TAFA1: variants seen among roughly 807,000 people sequenced by gnomAD.
TAFA1 encodes the protein chemokine-like protein TAFA-1.
In TAFA1, 4 loss-of-function variants were observed where a neutral mutation model predicts 18.5. The ratio of observed to expected loss-of-function variants is 0.22; its 90% CI spans 0.11 to 0.49. The LOEUF (loss-of-function observed/expected upper bound fraction) is 0.49, where lower values mean the gene tolerates loss of function less well. TAFA1 is among the 20% of genes least tolerant of loss of function. The probability of loss-of-function intolerance (pLI) is 0.98; values close to 1 mark genes in which losing one functional copy is unlikely to be tolerated. For missense variants in TAFA1, 147 were observed against 169.0 expected (o/e 0.87, Z 0.72); for synonymous variants, 56 against 55.2 (o/e 1.01, Z -0.06).
chr3:68,137,205 C>A (rs1001849909), intron 2 of TAFA1, among the ~76,000 whole-genome samples: 1 of 151,802 alleles, frequency 6.6e-6, no homozygotes, highest in Admixed American at 6.6e-5. Flanking sequence ...AAACCTCAAG[C>A]ATTCAGTCAC....
chr3:68,097,175 CA>C (rs2065096098), intron 2 of TAFA1, among the ~76,000 whole-genome samples: 1 of 152,146 alleles, frequency 6.6e-6, no homozygotes, highest in Non-Finnish European at 1.5e-5. Context: ...GCCTGACACA[CA>C]AGCAATGGGA....
chr3:68,081,687 C>A (rs569812568), intron 2 of TAFA1, among the ~76,000 whole-genome samples: 1 of 152,140 alleles, frequency 6.6e-6, no homozygotes, highest in East Asian at 1.9e-4. Flanking sequence ...TCTCCAGCTG[C>A]GTGCTGGGAG....
At chr3:68,402,063 T>G (rs182686577) in intron 2 of TAFA1, among the ~76,000 whole-genome samples, 1 of 152,340 alleles carries the variant, frequency 6.6e-6, no homozygotes, top group East Asian at 1.9e-4. Context: ...TCTTGGCATG[T>G]CAAGAATTTA....
At chr3:68,490,073 C>T (rs1605980) in intron 3 of TAFA1, among the ~76,000 whole-genome samples, 47 of 151,462 alleles carry the variant, frequency 3.1e-4, no homozygotes, top group Admixed American at 3.1e-3. Flanking sequence ...AGAGCTCAAG[C>T]TTTCAAGTGA....
intron 2 of TAFA1, among the ~76,000 whole-genome samples, chr3:68,259,439 T>C (rs1011158441): frequency 3.9e-5 from 6 of 152,210 alleles, no homozygotes; most frequent in Admixed American, 3.3e-4. Flanking sequence ...TGGTTCCAGA[T>C]GAACTTTAAA....
At chr3:68,402,607 G>A (rs970655335) in intron 2 of TAFA1, among the ~76,000 whole-genome samples, 1 of 152,118 alleles carries the variant, frequency 6.6e-6, no homozygotes, top group African/African-American at 2.4e-5. Context: ...TCTCCTAAAT[G>A]TGTGTTTTCT....
intron 3 of TAFA1, among the ~76,000 whole-genome samples, chr3:68,473,603 A>G (rs1292192762): frequency 6.6e-6 from 1 of 152,114 alleles, no homozygotes; most frequent in Non-Finnish European, 1.5e-5. Flanking sequence ...ATCCTTCCCA[A>G]CCAGAATTGG....
At chr3:68,074,083 G>A (rs1435051194) in intron 2 of TAFA1, among the ~76,000 whole-genome samples, 3 of 152,132 alleles carry the variant, frequency 2.0e-5, no homozygotes, top group African/African-American at 4.8e-5. Flanking sequence ...TGCGGGTGAT[G>A]GGAGACAGTG....
chr3:68,127,595 G>GGTGATGCT (rs1553643323), intron 2 of TAFA1, among the ~76,000 whole-genome samples: 6 of 378 alleles, frequency 0.016, no homozygotes, highest in East Asian at 0.17. Context: ...TGGTAGCAGT[G>GGTGATGCT]GATGATAGTG....
At chr3:68,032,467 A>G (rs569077812) in intron 2 of TAFA1, among the ~76,000 whole-genome samples, 1 of 152,212 alleles carries the variant, frequency 6.6e-6, no homozygotes, top group South Asian at 2.1e-4. Flanking sequence ...TGATGGCAAA[A>G]ATTTTAGAAG....
chr3:68,080,852 G>C (rs999159549), intron 2 of TAFA1, among the ~76,000 whole-genome samples: 12 of 152,142 alleles, frequency 7.9e-5, no homozygotes, highest in Non-Finnish European at 1.8e-4. Flanking sequence ...GAATCTGAAC[G>C]TTGGCCTACC....
At chr3:68,101,788 G>T (rs1187441346) in intron 2 of TAFA1, among the ~76,000 whole-genome samples, 1 of 152,088 alleles carries the variant, frequency 6.6e-6, no homozygotes, top group African/African-American at 2.4e-5. Context: ...GTCATGGAGT[G>T]CTCTCCAAAA....
chr3:68,359,570 C>T (rs1388832263), intron 2 of TAFA1, among the ~76,000 whole-genome samples: 1 of 151,922 alleles, frequency 6.6e-6, no homozygotes, highest in Non-Finnish European at 1.5e-5. Flanking sequence ...TGTGGGCAGT[C>T]TCTAAAAGCC....
chr3:68,205,755 G>C (rs961937461), intron 2 of TAFA1, among the ~76,000 whole-genome samples: 1 of 151,800 alleles, frequency 6.6e-6, no homozygotes, highest in Non-Finnish European at 1.5e-5. Flanking sequence ...CCTAAGGATG[G>C]AAGAAGGAAA....
chr3:68,274,242 C>A (rs2067742861), intron 2 of TAFA1, among the ~76,000 whole-genome samples: 1 of 152,158 alleles, frequency 6.6e-6, no homozygotes, highest in South Asian at 2.1e-4. Context: ...TCATTTTATG[C>A]TGTTTAGGAT....
At chr3:68,170,672 A>G (rs2066041200) in intron 2 of TAFA1, among the ~76,000 whole-genome samples, 1 of 152,172 alleles carries the variant, frequency 6.6e-6, no homozygotes, top group Admixed American at 6.5e-5. Flanking sequence ...GTAGGAAGTG[A>G]AGGCTAGGGC....
chr3:68,219,781 C>T (rs1385034319), intron 2 of TAFA1, among the ~76,000 whole-genome samples: 2 of 152,130 alleles, frequency 1.3e-5, no homozygotes, highest in South Asian at 2.1e-4. Context: ...GCTGCCTACA[C>T]TCAAGGGAAA....
chr3:68,101,747 G>A (rs1363043624), intron 2 of TAFA1, among the ~76,000 whole-genome samples: 1 of 152,130 alleles, frequency 6.6e-6, no homozygotes, highest in Non-Finnish European at 1.5e-5. Flanking sequence ...TTTCTCTTGG[G>A]AAGACTTCAG....
intron 2 of TAFA1, among the ~76,000 whole-genome samples, chr3:68,042,030 A>G (rs1038404369): frequency 1.3e-5 from 2 of 152,178 alleles, no homozygotes; most frequent in Non-Finnish European, 2.9e-5. Flanking sequence ...TAGTTTTAAA[A>G]TATAAAAAAA....
Sources: allele counts gnomAD v4.1 joint callset (sites outside exome capture counted in the v4.1 genomes callset), GRCh38; gene constraint gnomAD v4.1.1; transcripts MANE v1.5; gene names NCBI Gene and HGNC (gene_info 2026-07-23, HGNC 2026-07-21).